The following STK3 variants were observed in gnomAD, a reference collection of about 807,000 sequenced individuals.
STK3 encodes the protein serine/threonine kinase 3.
In STK3, 41 loss-of-function variants were observed where a neutral mutation model predicts 58.0. The observed-to-expected ratio is 0.71, with a 90% CI of 0.55 to 0.92. STK3 has a LOEUF of 0.92. Ranked by LOEUF, STK3 falls within the 40% of genes least tolerant of loss-of-function variation. STK3 has a pLI of 0.00. For synonymous variants in STK3, 170 were observed against 191.0 expected (o/e 0.89, Z 0.91); for missense variants, 479 against 602.7 (o/e 0.79, Z 2.15).
chr8:98,855,105 T>G (rs1204446804), intron 3 of STK3, among the ~76,000 whole-genome samples: 1 of 152,198 alleles, frequency 6.6e-6, no homozygotes, highest in East Asian at 1.9e-4. Context: ...CTCTCCAAAC[T>G]GATCTATAGA....
At chr8:98,614,154 G>C (rs993120808) in intron 6 of STK3, among the ~76,000 whole-genome samples, 2 of 152,068 alleles carry the variant, frequency 1.3e-5, no homozygotes, top group African/African-American at 4.8e-5. Context: ...AATCAGCAAG[G>C]ATACAGAAGA....
chr8:98,599,359 T>C (rs577852858), intron 6 of STK3, among the ~76,000 whole-genome samples: 1 of 152,226 alleles, frequency 6.6e-6, no homozygotes, highest in Non-Finnish European at 1.5e-5. Context: ...AACAGTACAA[T>C]GTGATGAGGC....
chr8:98,433,094 G>C (rs533893162), intron 3 of STK3, among the ~76,000 whole-genome samples: 1 of 151,982 alleles, frequency 6.6e-6, no homozygotes, highest in Admixed American at 6.5e-5. Flanking sequence ...GTTTGTTTTT[G>C]CAATTTGGGG....
At position 98,914,496 on chromosome 8, in the gene STK3, T is replaced by A. The variant is rs544196855; in HGVS notation, c.-79+27882A>T. Among the ~76,000 whole-genome samples the A allele has an allele frequency of 8.4e-3, 1,139 of 136,100 alleles. 12 individuals carry two copies. Among genetic ancestry groups the A allele is most frequent in the East Asian group, 0.014 (73 of 5,058 alleles). 89.3% of individuals were successfully genotyped at this position (136,100 alleles called of 152,430 possible). A position where few individuals can be genotyped will look rare whatever the true frequency, so the allele number is the denominator to read the frequency against. On this transcript the variant is annotated intron_variant, in intron 1 of 1. Transcript: ENST00000519420. ...CACACACACACACACACACACACTC[T>A]CTCTCTCTCTCTCTTCACTCTTAAA...
rs541207190 is a variant in STK3, at chr8:98,620,387, A to C, written c.685-24218T>G. ...TGCTAGATGACGAGTTAGTGGGTGCAGCACACCAGCATGGCACATGTATAC... is the reference window on the plus strand; with the variant it reads ...TGCTAGATGACGAGTTAGTGGGTGCCGCACACCAGCATGGCACATGTATAC... On this transcript the variant is annotated intron_variant, in intron 6 of 10. Transcript: ENST00000419617. Among the ~76,000 whole-genome samples, 838 of 143,920 alleles carry C rather than the reference A, an allele frequency of 5.8e-3. 1 individual carries two copies. Among genetic ancestry groups the C allele is most frequent in the Non-Finnish European group, 9.2e-3 (602 of 65,558 alleles). The allele number at this position is 143,920 out of a possible 152,430, so 94.4% of individuals were successfully genotyped here.
chr8:98,414,952 T>TATGATCTGA (rs1230792275), intron 3 of STK3, among the ~76,000 whole-genome samples: 2 of 152,218 alleles, frequency 1.3e-5, no homozygotes, highest in African/African-American at 2.4e-5. Context: ...TGGACTCTAC[T>TATGATCTGA]ATGATCTGAA....
intron 9 of STK3, among the ~76,000 whole-genome samples, chr8:98,538,687 A>C (rs1809985059): frequency 6.6e-6 from 1 of 152,186 alleles, no homozygotes; most frequent in Non-Finnish European, 1.5e-5. Context: ...CTGTACAGGA[A>C]AGATATTTTC....
intron 3 of STK3, among the ~76,000 whole-genome samples, chr8:98,841,212 T>C (rs949719265): frequency 2.6e-5 from 4 of 152,180 alleles, no homozygotes; most frequent in Admixed American, 2.6e-4. Flanking sequence ...CAAATCACTA[T>C]GTCCAGCCCA....
At chr8:98,875,266 A>T (rs773211889) in intron 3 of STK3, 16 of 152,180 alleles carry the variant, frequency 1.1e-4, no homozygotes, top group Admixed American at 2.0e-4. Context: ...AATATTCTTT[A>T]AGGATGTTGG....
intron 4 of STK3, among the ~76,000 whole-genome samples, chr8:98,715,194 G>C (rs1447170645): frequency 6.6e-6 from 1 of 152,130 alleles, no homozygotes; most frequent in African/African-American, 2.4e-5. Flanking sequence ...AGAAAACCTA[G>C]GCAATACCAT....
chr8:98,876,468 T>A (rs1192757240), intron 3 of STK3, among the ~76,000 whole-genome samples: 1 of 152,116 alleles, frequency 6.6e-6, no homozygotes, highest in African/African-American at 2.4e-5. Flanking sequence ...TAGAGTCAGA[T>A]CTCTGTCTGC....
intron 3 of STK3, among the ~76,000 whole-genome samples, chr8:98,862,187 A>C (rs1836960569): frequency 6.6e-6 from 1 of 152,172 alleles, no homozygotes; most frequent in Non-Finnish European, 1.5e-5. Context: ...ATGTGTGAAA[A>C]ATGAAATTTA....
intron 1 of STK3, among the ~76,000 whole-genome samples, chr8:98,447,954 GTA>G (rs1819029321): frequency 3.1e-5 from 1 of 32,012 alleles, no homozygotes; most frequent in South Asian, 8.3e-4. Flanking sequence ...AAAACTTAAA[GTA>G]TAATAATAAT....
intron 3 of STK3, among the ~76,000 whole-genome samples, chr8:98,414,883 G>T (rs939872923): frequency 6.6e-6 from 1 of 152,188 alleles, no homozygotes; most frequent in African/African-American, 2.4e-5. Flanking sequence ...ATGGGGAGGT[G>T]CCCAGTCCCT....
At chr8:98,741,882 A>G (rs1829242501) in intron 4 of STK3, among the ~76,000 whole-genome samples, 1 of 152,222 alleles carries the variant, frequency 6.6e-6, no homozygotes, top group Admixed American at 6.5e-5. Flanking sequence ...GAAGCAATAA[A>G]AAATGATAAA....
At chr8:98,349,005 G>A in the STK3 span, among the ~76,000 whole-genome samples, 2 of 152,220 alleles carry the variant, frequency 1.3e-5, no homozygotes, top group African/African-American at 4.8e-5. Context: ...AAGCAACCAT[G>A]ATGTCCTTCA....
chr8:98,523,374 C>A (rs1361501783), intron 10 of STK3, among the ~76,000 whole-genome samples: 2 of 147,902 alleles, frequency 1.4e-5, no homozygotes, highest in African/African-American at 5.0e-5. Context: ...AGTCCTTTGC[C>A]CTTTTTTTTT....
chr8:98,904,930 C>A, intron 1 of STK3: 1 of 706,348 alleles, frequency 1.4e-6, no homozygotes, highest in South Asian at 1.4e-5. Flanking sequence ...ATGGTCTGCT[C>A]TGCCTAGTTA....
chr8:98,830,369 G>A (rs1003466991), upstream of STK3, among the ~76,000 whole-genome samples: 1 of 152,178 alleles, frequency 6.6e-6, no homozygotes, highest in Non-Finnish European at 1.5e-5. Flanking sequence ...GAGGCCAAGG[G>A]AATGTTAGAA....
Sources: gnomAD v4.1 joint callset for allele counts (sites outside exome capture counted in the v4.1 genomes callset) on GRCh38, gnomAD v4.1.1 for gene constraint, MANE v1.5 for transcripts, NCBI Gene and HGNC (gene_info 2026-07-23, HGNC 2026-07-21) for gene names.